The following CACUL1 variants were observed in gnomAD, a reference collection of about 807,000 sequenced individuals.
CACUL1 encodes the protein CDK2-associated and cullin domain-containing protein 1.
A neutral mutation model predicts 45.2 loss-of-function variants in CACUL1; 13 were observed. That is an observed-to-expected ratio of 0.29 (90% CI 0.19 to 0.46). The LOEUF (loss-of-function observed/expected upper bound fraction) is 0.46, where lower values mean the gene tolerates loss of function less well. Ranked by LOEUF, CACUL1 falls within the 20% of genes least tolerant of loss-of-function variation. The probability of loss-of-function intolerance (pLI) is 1.00; values close to 1 mark genes in which losing one functional copy is unlikely to be tolerated. For missense variants in CACUL1, 421 were observed against 471.4 expected (o/e 0.89, Z 0.99); for synonymous variants, 197 against 174.2 (o/e 1.13, Z -1.03).
intron 1 of CACUL1, among the ~76,000 whole-genome samples, chr10:118,738,985 C>G (rs1168180274): frequency 6.8e-6 from 1 of 147,740 alleles, no homozygotes; most frequent in East Asian, 2.0e-4. Flanking sequence ...ATCACGAGGT[C>G]AGGAGATAGA....
chr10:118,688,438 C>T (rs1314265914), intron 7 of CACUL1, among the ~76,000 whole-genome samples: 1 of 152,194 alleles, frequency 6.6e-6, no homozygotes, highest in Non-Finnish European at 1.5e-5. Context: ...ACCTTCATTT[C>T]CATTCCTCAA....
chr10:118,709,812 GT>G (rs2119596612), intron 3 of CACUL1, among the ~76,000 whole-genome samples: 1 of 152,282 alleles, frequency 6.6e-6, no homozygotes, highest in East Asian at 1.9e-4. Context: ...TTATATATAT[GT>G]AAAGAATTGT....
At chr10:118,731,895 G>A (rs909026237) in intron 1 of CACUL1, among the ~76,000 whole-genome samples, 5 of 152,144 alleles carry the variant, frequency 3.3e-5, no homozygotes, top group Non-Finnish European at 5.9e-5. Flanking sequence ...AAAATGAACC[G>A]AATTACAAAT....
chr10:118,711,831 T>C (rs1341826982), intron 3 of CACUL1, among the ~76,000 whole-genome samples: 9 of 152,226 alleles, frequency 5.9e-5, no homozygotes, highest in Admixed American at 5.9e-4. Context: ...TTCAAAACCT[T>C]TTAAATGACA....
At position 118,680,731 on chromosome 10, in the gene CACUL1, A is replaced by C. The variant is rs1300895207; in HGVS notation, c.*5397T>G. 5.9e-5 allele frequency: 9 copies of C among 152,268 alleles called. No individual in the cohort carries two copies. Among genetic ancestry groups the C allele is most frequent in the Admixed American group, 5.9e-4 (9 of 15,290 alleles). 9.4% of individuals were successfully genotyped at this position (152,268 alleles called of 1,614,324 possible). On this transcript the variant is annotated 3_prime_UTR_variant, in exon 9 of 9. Coordinates refer to ENST00000369151, the MANE Select transcript of CACUL1 (RefSeq NM_153810.5). ...CCGTATCCATACTATATATGAATATAGAATAGATATGACCATATGTATATT... is the reference window on the plus strand; with the variant it reads ...CCGTATCCATACTATATATGAATATCGAATAGATATGACCATATGTATATT...
At chr10:118,708,501 C>A (rs371459378) in intron 3 of CACUL1, among the ~76,000 whole-genome samples, 28 of 152,018 alleles carry the variant, frequency 1.8e-4, no homozygotes, top group African/African-American at 2.4e-4. Context: ...TTACAAAATA[C>A]CAAATCATAA....
At chr10:118,736,389 A>T (rs966958874) in intron 1 of CACUL1, among the ~76,000 whole-genome samples, 8 of 147,906 alleles carry the variant, frequency 5.4e-5, no homozygotes, top group African/African-American at 1.2e-4. Flanking sequence ...ATTATTTATA[A>T]TTTTTTTTTT....
chr10:118,702,584 CTTTTTT>C (rs35241397), intron 4 of CACUL1, among the ~76,000 whole-genome samples: 1 of 138,832 alleles, frequency 7.2e-6, no homozygotes, highest in South Asian at 2.3e-4. Context: ...TTTCTTTTTT[CTTTTTT>C]TTTTTTTTGA....
At chr10:118,754,315 G>C in intron 1 of CACUL1, 81 bp downstream of exon 1, 1 of 1,426,548 alleles carries the variant, frequency 7.0e-7, no homozygotes, top group Non-Finnish European at 9.2e-7. Flanking sequence ...AAAGGAAGCG[G>C]AGCTTTCTCC....
Position 118,678,454 on chromosome 10 carries a change from C to T in CACUL1, c.*7674G>A, listed in dbSNP as rs1375212078. The T allele has an allele frequency of 6.6e-6, 1 of 152,134 alleles. No individual in the cohort carries two copies. The highest frequency in any genetic ancestry group is 1.5e-5 in the Non-Finnish European group (1 of 68,032). The allele number at this position is 152,134 out of a possible 1,614,324, so 9.4% of individuals were successfully genotyped here. ...ATCCATTCAGAAAGGTCTTGGATAT[C>T]CTTGGCCCTTTGCTCTTCCATTTAT... On this transcript the variant is annotated 3_prime_UTR_variant, in exon 9 of 9. Coordinates refer to ENST00000369151, the MANE Select transcript of CACUL1 (RefSeq NM_153810.5).
At chr10:118,709,263 G>A (rs553522965) in intron 3 of CACUL1, among the ~76,000 whole-genome samples, 1 of 152,250 alleles carries the variant, frequency 6.6e-6, no homozygotes, top group African/African-American at 2.4e-5. Flanking sequence ...AAAATCCGTG[G>A]ATAAGTGGAC....
At chr10:118,728,315 T>C (rs1845669724) in intron 3 of CACUL1, among the ~76,000 whole-genome samples, 2 of 97,574 alleles carry the variant, frequency 2.0e-5, no homozygotes, top group South Asian at 7.2e-4. Context: ...TGAGTGACTT[T>C]TCTTTTTTTT....
At position 118,686,617 on chromosome 10, in the gene CACUL1, A is replaced by C; in HGVS notation, c.1050T>G (p.Ala350=). The change falls in exon 8 of 9, where the codon GCT becomes GCG. Residue 350 remains alanine, a synonymous_variant. Coordinates refer to ENST00000369151, the MANE Select transcript of CACUL1 (RefSeq NM_153810.5). ...FTRGDQSRKR[A]GDELAYNSSS... is the part of the protein sequence containing the mutation. ...ACTTACTATAAGCCAACTCATCCCCAGCTCTCTTCCGGGACTGGTCACCCC... is the reference window on the plus strand; with the variant it reads ...ACTTACTATAAGCCAACTCATCCCCCGCTCTCTTCCGGGACTGGTCACCCC... 1 of 1,613,674 alleles carries C rather than the reference A, an allele frequency of 6.2e-7. No individual in the cohort carries two copies. The highest frequency in any genetic ancestry group is 8.5e-7 in the Non-Finnish European group (1 of 1,179,562).
chr10:118,754,953 TG>T lies in CACUL1; in HGVS notation c.-192del. On this transcript the variant is annotated 5_prime_UTR_variant, in exon 1 of 9. Transcript: ENST00000369151. Reference sequence around the variant, plus strand: ...AGCTTGAAGACGCGGCTGACGGCGGTGGGCGCTCCGGGGCTCTAGTCTGGGA... The same window carrying T: ...AGCTTGAAGACGCGGCTGACGGCGGTGGCGCTCCGGGGCTCTAGTCTGGGA... The T allele has an allele frequency of 1.5e-6, 1 of 684,462 alleles. No individual in the cohort carries two copies. Among genetic ancestry groups the T allele is most frequent in the Non-Finnish European group, 2.2e-6 (1 of 447,950 alleles). The allele number at this position is 684,462 out of a possible 1,614,324, so 42.4% of individuals were successfully genotyped here.
intron 1 of CACUL1, among the ~76,000 whole-genome samples, chr10:118,731,857 A>G (rs1361112302): frequency 6.6e-6 from 1 of 152,236 alleles, no homozygotes; most frequent in Non-Finnish European, 1.5e-5. Flanking sequence ...ACAAGGCTGT[A>G]GTGGTAAAGA....
At chr10:118,736,610 T>A (rs1845743213) in intron 1 of CACUL1, among the ~76,000 whole-genome samples, 1 of 152,166 alleles carries the variant, frequency 6.6e-6, no homozygotes, top group Non-Finnish European at 1.5e-5. Flanking sequence ...CCCGAAGTGC[T>A]GGGATTACAC....
chr10:118,707,107 T>G (rs1466142155), intron 4 of CACUL1, among the ~76,000 whole-genome samples: 2 of 152,344 alleles, frequency 1.3e-5, no homozygotes, highest in East Asian at 3.9e-4. Context: ...ATGGCAGCAA[T>G]GTTTTACTGT....
intron 3 of CACUL1, among the ~76,000 whole-genome samples, chr10:118,717,521 T>A (rs1845558448): frequency 6.6e-6 from 1 of 152,130 alleles, no homozygotes; most frequent in Admixed American, 6.5e-5. Flanking sequence ...ATAATCATAA[T>A]TTTTCGAGCT....
At chr10:118,743,411 G>C (rs929477274) in intron 1 of CACUL1, among the ~76,000 whole-genome samples, 3 of 151,852 alleles carry the variant, frequency 2.0e-5, no homozygotes, top group African/African-American at 7.3e-5. Flanking sequence ...AATTTTAAAA[G>C]TACCCAGGAA....
Sources: gnomAD v4.1 joint callset for allele counts (sites outside exome capture counted in the v4.1 genomes callset) on GRCh38, gnomAD v4.1.1 for gene constraint, MANE v1.5 for transcripts, NCBI Gene and HGNC (gene_info 2026-07-23, HGNC 2026-07-21) for gene names.